ADAM10: variants seen among roughly 807,000 people sequenced by gnomAD.
The protein encoded by ADAM10 is disintegrin and metalloproteinase domain-containing protein 10.
In ADAM10, 17 loss-of-function variants were observed where a neutral mutation model predicts 90.1. The ratio of observed to expected loss-of-function variants is 0.19; its 90% CI spans 0.13 to 0.28. The LOEUF (loss-of-function observed/expected upper bound fraction) is 0.28, where lower values mean the gene tolerates loss of function less well. Ranked by LOEUF, ADAM10 falls within the 10% of genes least tolerant of loss-of-function variation. The pLI is 1.00. For missense variants in ADAM10, 610 were observed against 914.3 expected, an observed-to-expected ratio of 0.67 and a Z score of 4.29; for synonymous variants, 310 against 298.6, an observed-to-expected ratio of 1.04 and a Z score of -0.40.
At chr15:58,730,441 GT>G (rs1212701251) in intron 1 of ADAM10, among the ~76,000 whole-genome samples, 2 of 152,102 alleles carry the variant, frequency 1.3e-5, no homozygotes, top group African/African-American at 4.8e-5. Flanking sequence ...ATTACAAAAT[GT>G]TACAGAACAG....
At chr15:58,720,477 C>T (rs415403) in intron 1 of ADAM10, among the ~76,000 whole-genome samples, 5,216 of 151,824 alleles carry the variant, frequency 0.034, 99 homozygotes, top group Middle Eastern at 0.051. Flanking sequence ...CTCGGCTCAC[C>T]GCAAGCTCCA....
chr15:58,619,915 T>C (rs1237669521), intron 11 of ADAM10, among the ~76,000 whole-genome samples: 1 of 148,754 alleles, frequency 6.7e-6, no homozygotes, highest in Admixed American at 6.7e-5. Context: ...AAAAAAAAAA[T>C]TTAAAAAAAG....
intron 7 of ADAM10, among the ~76,000 whole-genome samples, chr15:58,642,852 A>T (rs1417589416): frequency 6.6e-6 from 1 of 152,202 alleles, no homozygotes; most frequent in Non-Finnish European, 1.5e-5. Context: ...AACAATTCTT[A>T]TACTGTAAAT....
intron 10 of ADAM10, among the ~76,000 whole-genome samples, chr15:58,626,289 T>G (rs1895942392): frequency 6.6e-6 from 1 of 152,170 alleles, no homozygotes; most frequent in South Asian, 2.1e-4. Flanking sequence ...ATCTATTACT[T>G]CTTATGAACT....
At chr15:58,665,812 T>G (rs1180084174) in intron 4 of ADAM10, among the ~76,000 whole-genome samples, 1 of 152,052 alleles carries the variant, frequency 6.6e-6, no homozygotes, top group East Asian at 1.9e-4. Context: ...CTTATTTCCT[T>G]ATTTTTAGAT....
intron 3 of ADAM10, among the ~76,000 whole-genome samples, chr15:58,679,534 T>TA (rs1566991685): frequency 1.3e-5 from 2 of 152,086 alleles, no homozygotes; most frequent in Admixed American, 1.3e-4. Flanking sequence ...CAATGAAAAA[T>TA]AGAGTATCTG....
intron 14 of ADAM10, among the ~76,000 whole-genome samples, chr15:58,601,882 G>T (rs1168006758): frequency 6.6e-6 from 1 of 152,116 alleles, no homozygotes; most frequent in Non-Finnish European, 1.5e-5. Context: ...TCAAATTCAG[G>T]TCACACATCT....
chr15:58,728,025 C>T (rs2140833303), intron 1 of ADAM10, among the ~76,000 whole-genome samples: 1 of 152,226 alleles, frequency 6.6e-6, no homozygotes, highest in East Asian at 1.9e-4. Context: ...AAGAACTTGA[C>T]TAGATAGATA....
intron 2 of ADAM10, among the ~76,000 whole-genome samples, chr15:58,688,550 G>A (rs764705388): frequency 1.2e-4 from 18 of 151,454 alleles, no homozygotes; most frequent in East Asian, 1.9e-4. Flanking sequence ...GAATGATAAC[G>A]GAATTAGCAG....
At chr15:58,725,141 G>A (rs755083860) in intron 1 of ADAM10, among the ~76,000 whole-genome samples, 1 of 151,954 alleles carries the variant, frequency 6.6e-6, no homozygotes, top group Non-Finnish European at 1.5e-5. Flanking sequence ...AGTAAGCTAT[G>A]ATCGTGCCAC....
chr15:58,687,793 GTCAATC>G (rs1193393662), intron 2 of ADAM10, among the ~76,000 whole-genome samples: 5 of 152,142 alleles, frequency 3.3e-5, no homozygotes, highest in African/African-American at 1.2e-4. Context: ...GAGTGGAAAA[GTCAATC>G]TCAAAGATAC....
chr15:58,708,407 A>C (rs1167990086), intron 2 of ADAM10, among the ~76,000 whole-genome samples: 1 of 152,072 alleles, frequency 6.6e-6, no homozygotes, highest in African/African-American at 2.4e-5. Context: ...CACACCAGTA[A>C]TCCCAGCATT....
chr15:58,745,942 C>CA (rs1219883867), intron 1 of ADAM10, among the ~76,000 whole-genome samples: 2 of 152,162 alleles, frequency 1.3e-5, no homozygotes, highest in East Asian at 3.8e-4. Flanking sequence ...AGAAATATCC[C>CA]AATTTTTCAA....
intron 4 of ADAM10, chr15:58,676,082 A>T: frequency 3.5e-6 from 1 of 285,126 alleles, no homozygotes; most frequent in Non-Finnish European, 7.0e-6. Context: ...TAAATATATT[A>T]AGGAGAGAGT....
At chr15:58,631,594 T>C (rs868494277) in intron 9 of ADAM10, among the ~76,000 whole-genome samples, 1 of 152,060 alleles carries the variant, frequency 6.6e-6, no homozygotes, top group Non-Finnish European at 1.5e-5. Flanking sequence ...TAAAAAAGAA[T>C]CTGTGTTTTA....
chr15:58,674,769 T>C (rs1329006901), intron 4 of ADAM10, among the ~76,000 whole-genome samples: 1 of 152,178 alleles, frequency 6.6e-6, no homozygotes, highest in Non-Finnish European at 1.5e-5. Flanking sequence ...AAATAAAGTT[T>C]AACAATCTTA....
intron 1 of ADAM10, among the ~76,000 whole-genome samples, chr15:58,720,510 C>T (rs1360385431): frequency 6.6e-6 from 1 of 152,070 alleles, no homozygotes; most frequent in South Asian, 2.1e-4. Context: ...ACGCCATTCT[C>T]CCGCCTCAGC....
intron 5 of ADAM10, among the ~76,000 whole-genome samples, chr15:58,653,836 G>A (rs1187532332): frequency 6.6e-6 from 1 of 151,980 alleles, no homozygotes; most frequent in Non-Finnish European, 1.5e-5. Context: ...GAAGCCACTG[G>A]GTCCCAGACT....
At chr15:58,632,572 A>C (rs1331582404) in intron 9 of ADAM10, among the ~76,000 whole-genome samples, 1 of 152,222 alleles carries the variant, frequency 6.6e-6, no homozygotes, top group African/African-American at 2.4e-5. Flanking sequence ...GTTTACTAGT[A>C]GGCCCTTTAC....
Sources: allele counts gnomAD v4.1 joint callset (sites outside exome capture counted in the v4.1 genomes callset), GRCh38; gene constraint gnomAD v4.1.1; transcripts MANE v1.5; gene names NCBI Gene and HGNC (gene_info 2026-07-23, HGNC 2026-07-21).